Variants in ABHD17B observed in about 807,000 individuals in gnomAD.
ABHD17B encodes abhydrolase domain containing 17B, depalmitoylase, also known as alpha/beta hydrolase domain-containing protein 17B.
A neutral mutation model predicts 26.2 loss-of-function variants in ABHD17B; 9 were observed. The observed-to-expected ratio is 0.34, with a 90% CI of 0.21 to 0.60. The LOEUF is 0.60. Ranked by LOEUF, ABHD17B falls within the 20% of genes least tolerant of loss-of-function variation. The pLI is 0.80. For missense variants in ABHD17B, 224 were observed against 352.1 expected, an observed-to-expected ratio of 0.64 and a Z score of 2.91; for synonymous variants, 127 against 122.3, an observed-to-expected ratio of 1.04 and a Z score of -0.25.
chr9:71,875,782 T>A (rs1011728643), intron 1 of ABHD17B, among the ~76,000 whole-genome samples: 1 of 152,236 alleles, frequency 6.6e-6, no homozygotes, highest in Admixed American at 6.5e-5. Flanking sequence ...AAGCTAGGAA[T>A]TTAGCATAAA....
chr9:71,893,160 C>T (rs1826844400), intron 1 of ABHD17B, among the ~76,000 whole-genome samples: 1 of 152,226 alleles, frequency 6.6e-6, no homozygotes, highest in African/African-American at 2.4e-5. Context: ...CCACAACAAT[C>T]ACCAGAATAC....
chr9:71,886,988 C>G (rs963307387), intron 1 of ABHD17B, among the ~76,000 whole-genome samples: 1 of 151,776 alleles, frequency 6.6e-6, no homozygotes, highest in Non-Finnish European at 1.5e-5. Context: ...TTTTAAATAC[C>G]AATAAGATTC....
chr9:71,875,233 T>TG (rs1189341338), intron 1 of ABHD17B, 150 bp from the exon 2 acceptor site: 1 of 673,474 alleles, frequency 1.5e-6, no homozygotes, highest in African/African-American at 1.8e-5. Flanking sequence ...TTGGCTTCTT[T>TG]TTTTTTTTTG....
At chr9:71,869,939 T>C in intron 3 of ABHD17B, 144 bp downstream of exon 3, 1 of 777,672 alleles carries the variant, frequency 1.3e-6, no homozygotes, top group Non-Finnish European at 1.9e-6. Context: ...ATACCCTCTT[T>C]ACAAATTAAT....
intron 3 of ABHD17B, among the ~76,000 whole-genome samples, chr9:71,869,682 A>G (rs941699530): frequency 6.6e-5 from 10 of 152,128 alleles, no homozygotes; most frequent in Non-Finnish European, 1.3e-4. Context: ...TTCTTCTCTA[A>G]CATCAAGTGT....
downstream of ABHD17B, chr9:71,862,568 G>T (rs747758610): frequency 6.4e-7 from 1 of 1,574,712 alleles, no homozygotes; most frequent in Non-Finnish European, 8.7e-7. Context: ...GAAAACTGTA[G>T]ACCTTGAGAA....
At chr9:71,894,210 T>G (rs893952473) in intron 1 of ABHD17B, among the ~76,000 whole-genome samples, 4 of 151,916 alleles carry the variant, frequency 2.6e-5, no homozygotes, top group Non-Finnish European at 2.9e-5. Context: ...CACAATATAA[T>G]GCACATTTTG....
chr9:71,875,185 T>A, intron 1 of ABHD17B, 102 bp from the exon 2 acceptor site: 1 of 877,776 alleles, frequency 1.1e-6, no homozygotes, highest in Non-Finnish European at 1.7e-6. Context: ...TGGTGGTTAA[T>A]GACTATTACT....
chr9:71,909,810 C>T (rs1005580926), intron 1 of ABHD17B, among the ~76,000 whole-genome samples: 2 of 152,060 alleles, frequency 1.3e-5, no homozygotes, highest in African/African-American at 4.8e-5. Flanking sequence ...CTTAAAGCAT[C>T]ATTTACAAAA....
intron 1 of ABHD17B, among the ~76,000 whole-genome samples, chr9:71,901,976 T>A (rs1050398803): frequency 6.6e-6 from 1 of 152,178 alleles, no homozygotes; most frequent in Non-Finnish European, 1.5e-5. Context: ...CTCCTTGGTC[T>A]CTAGCCTTAT....
chr9:71,885,144 T>C (rs1034715496), intron 1 of ABHD17B, among the ~76,000 whole-genome samples: 2 of 151,718 alleles, frequency 1.3e-5, no homozygotes, highest in Non-Finnish European at 2.9e-5. Context: ...TTGCAATAAA[T>C]ACACAAAATG....
At chr9:71,907,911 T>C (rs1415618527) in intron 1 of ABHD17B, among the ~76,000 whole-genome samples, 1 of 152,196 alleles carries the variant, frequency 6.6e-6, no homozygotes. Context: ...TATATTGCTA[T>C]GTTAGTTCTC....
At position 71,866,651 on chromosome 9, in the gene ABHD17B, G is replaced by A; in HGVS notation, c.*136C>T. On this transcript the variant is annotated 3_prime_UTR_variant, in exon 4 of 4. Coordinates refer to ENST00000333421, the MANE Select transcript of ABHD17B (RefSeq NM_001025780.3). Reference sequence around the variant, plus strand: ...GGTAATTAAAACCTTCATTAAGTCTGTTAACAAATCATTACCTGTACATTT... The same window carrying A: ...GGTAATTAAAACCTTCATTAAGTCTATTAACAAATCATTACCTGTACATTT... The A allele has an allele frequency of 6.9e-7, 1 of 1,455,200 alleles. No homozygotes were observed. The highest frequency in any genetic ancestry group is 9.0e-7 in the Non-Finnish European group (1 of 1,108,212). The allele number at this position is 1,455,200 out of a possible 1,614,324, so 90.1% of individuals were successfully genotyped here. A position where few individuals can be genotyped will look rare whatever the true frequency, so the allele number is the denominator to read the frequency against.
At chr9:71,888,983 C>T (rs1242473087) in intron 1 of ABHD17B, among the ~76,000 whole-genome samples, 1 of 150,116 alleles carries the variant, frequency 6.7e-6, no homozygotes, top group Non-Finnish European at 1.5e-5. Flanking sequence ...TAAGAAATAA[C>T]ATTGCTATTA....
rs560061996 is a variant in ABHD17B at position 71,896,556 on chromosome 9, T to A, written c.-4+14078A>T. On this transcript the variant is annotated intron_variant, in intron 1 of 3. Transcript: ENST00000333421. ...GCCTGCGAATAAAAAAGATGCCAAA[T>A]TTGTAGCATAAGGCTTCAGCTTTTC... Among the ~76,000 whole-genome samples the A allele has an allele frequency of 6.6e-5, 10 of 152,282 alleles. No individual in the cohort carries two copies. In the East Asian group the frequency reaches 1.7e-3, roughly 26 times the overall value.
intron 1 of ABHD17B, among the ~76,000 whole-genome samples, chr9:71,898,570 C>T (rs556527781): frequency 3.9e-5 from 6 of 152,052 alleles, no homozygotes; most frequent in East Asian, 3.9e-4. Flanking sequence ...ACCCAGGAAG[C>T]GAAGGCTGCG....
chr9:71,908,379 CAAAACTCCGTCTCAAA>C (rs943289958), intron 1 of ABHD17B, among the ~76,000 whole-genome samples: 2 of 101,140 alleles, frequency 2.0e-5, no homozygotes, highest in African/African-American at 7.8e-5. Context: ...GCAACAAGAG[CAAAACTCCGTCTCAAA>C]AAAAAAAAAA....
At chr9:71,886,008 T>C (rs867854967) in intron 1 of ABHD17B, among the ~76,000 whole-genome samples, 1 of 152,238 alleles carries the variant, frequency 6.6e-6, no homozygotes, top group Non-Finnish European at 1.5e-5. Flanking sequence ...TTGACAACTA[T>C]GCTCAGTACA....
intron 1 of ABHD17B, among the ~76,000 whole-genome samples, chr9:71,892,743 A>T (rs1487818676): frequency 6.6e-6 from 1 of 151,370 alleles, no homozygotes; most frequent in Non-Finnish European, 1.5e-5. Context: ...TTCCAAAATG[A>T]GTGGTTTTTG....
Sources: allele counts gnomAD v4.1 joint callset (sites outside exome capture counted in the v4.1 genomes callset), GRCh38; gene constraint gnomAD v4.1.1; transcripts MANE v1.5; gene names NCBI Gene and HGNC (gene_info 2026-07-23, HGNC 2026-07-21).